The following SRGAP3 variants were observed in gnomAD, a reference collection of about 807,000 sequenced individuals.
SRGAP3 encodes SLIT-ROBO Rho GTPase-activating protein 3.
In SRGAP3, 39 loss-of-function variants were observed where a neutral mutation model predicts 121.1. The ratio of observed to expected loss-of-function variants is 0.32; its 90% confidence interval spans 0.25 to 0.42. The LOEUF (loss-of-function observed/expected upper bound fraction) is 0.42. Ranked by LOEUF, SRGAP3 falls within the 10% of genes least tolerant of loss-of-function variation. SRGAP3 has a pLI of 1.00. For synonymous variants in SRGAP3, 601 were observed against 570.0 expected (o/e 1.05, Z -0.77); for missense variants, 1,213 against 1,470.6 (o/e 0.82, Z 2.86).
At chr3:9,230,389 T>A (rs1953158320) in intron 1 of SRGAP3, among the ~76,000 whole-genome samples, 1 of 152,148 alleles carries the variant, frequency 6.6e-6, no homozygotes, top group South Asian at 2.1e-4. Flanking sequence ...ATGGGCATGC[T>A]CACATCCTCA....
At chr3:9,125,052 C>G in intron 1 of SRGAP3, 135 bp from the exon 2 acceptor site, 1 of 1,002,114 alleles carries the variant, frequency 1.0e-6, no homozygotes, top group Non-Finnish European at 1.5e-6. Context: ...CTGAGCCCAG[C>G]CAGAGCTCAG....
At chr3:9,220,580 T>A (rs1560445816) in intron 1 of SRGAP3, among the ~76,000 whole-genome samples, 1 of 152,220 alleles carries the variant, frequency 6.6e-6, no homozygotes, top group Non-Finnish European at 1.5e-5. Context: ...ACAGCAGGCA[T>A]CTTGTTTGAT....
At chr3:9,245,877 T>C (rs1356875649) in intron 1 of SRGAP3, among the ~76,000 whole-genome samples, 1 of 152,112 alleles carries the variant, frequency 6.6e-6, no homozygotes, top group African/African-American at 2.4e-5. Context: ...TGAGTCAAGA[T>C]GACATCACTA....
At chr3:9,213,008 G>C (rs952170989) in intron 1 of SRGAP3, among the ~76,000 whole-genome samples, 10 of 152,192 alleles carry the variant, frequency 6.6e-5, no homozygotes, top group Non-Finnish European at 1.5e-4. Flanking sequence ...TGCTGATGCA[G>C]CTCCATGCCG....
At chr3:9,254,133 C>G (rs1954074508), upstream of SRGAP3, among the ~76,000 whole-genome samples, 1 of 152,082 alleles carries the variant, frequency 6.6e-6, no homozygotes, top group Non-Finnish European at 1.5e-5. Context: ...TCAATTCAAA[C>G]AAATACTCAT....
intron 4 of SRGAP3, among the ~76,000 whole-genome samples, chr3:9,069,050 G>A (rs932618311): frequency 2.0e-5 from 3 of 152,214 alleles, no homozygotes; most frequent in Non-Finnish European, 4.4e-5. Context: ...GTTTCTCTAG[G>A]TGAAAAGCTG....
At chr3:8,986,311 C>T (rs1941704448) in intron 21 of SRGAP3, among the ~76,000 whole-genome samples, 1 of 152,116 alleles carries the variant, frequency 6.6e-6, no homozygotes, top group Non-Finnish European at 1.5e-5. Context: ...ATATGGACCT[C>T]AGGGAGTTGA....
chr3:9,058,183 G>A, intron 7 of SRGAP3, 68 bp downstream of exon 7: 2 of 1,512,730 alleles, frequency 1.3e-6, no homozygotes, highest in Middle Eastern at 2.1e-4. Flanking sequence ...AACCAGGGAT[G>A]ATGTACTGGA....
intron 1 of SRGAP3, among the ~76,000 whole-genome samples, chr3:9,362,415 C>T (rs1240217872): frequency 6.6e-6 from 1 of 150,600 alleles, no homozygotes; most frequent in South Asian, 2.1e-4. Flanking sequence ...CCACCCGCCT[C>T]AGCCTCCCAA....
intron 1 of SRGAP3, among the ~76,000 whole-genome samples, chr3:9,135,665 G>T (rs1451128926): frequency 2.0e-5 from 3 of 152,234 alleles, no homozygotes; most frequent in Non-Finnish European, 4.4e-5. Flanking sequence ...TTCTTATCTT[G>T]CAGGGTTGTT....
intron 3 of SRGAP3, among the ~76,000 whole-genome samples, chr3:9,271,023 T>A (rs1036960482): frequency 6.6e-6 from 1 of 152,172 alleles, no homozygotes; most frequent in Admixed American, 6.5e-5. Flanking sequence ...AGGCTCACAC[T>A]CCCTCAAATG....
rs914541103 is a variant in SRGAP3 at position 9,249,289 on chromosome 3, A to T, written c.-338T>A. The T allele has an allele frequency of 4.8e-5, 22 of 454,256 alleles. No individual in the cohort carries two copies. Among genetic ancestry groups the T allele is most frequent in the Non-Finnish European group, 8.6e-5 (21 of 244,748 alleles). The allele number at this position is 454,256 out of a possible 1,614,324, so 28.1% of individuals were successfully genotyped here. A position where few individuals can be genotyped will look rare whatever the true frequency, so the allele number is the denominator to read the frequency against. On this transcript the variant is annotated 5_prime_UTR_variant, in exon 1 of 22. It introduces an in-frame stop codon into an upstream open reading frame of the 5' UTR. Coordinates refer to ENST00000383836, the MANE Select transcript of SRGAP3 (RefSeq NM_014850.4). ...GTAATAACCAAGCGCACTCACACAC[A>T]CATGCACACGTACACACACTCACGC...
chr3:9,200,552 C>T (rs1327672104), intron 1 of SRGAP3, among the ~76,000 whole-genome samples: 2 of 152,106 alleles, frequency 1.3e-5, no homozygotes, highest in East Asian at 1.9e-4. Context: ...CCCAAAAAGG[C>T]GTGGGCTGAA....
At chr3:9,125,424 C>A (rs1949185001) in intron 1 of SRGAP3, among the ~76,000 whole-genome samples, 1 of 152,178 alleles carries the variant, frequency 6.6e-6, no homozygotes, top group Admixed American at 6.5e-5. Context: ...CTTTATCAAC[C>A]AAAGGAAAAC....
chr3:9,165,255 G>A lies in SRGAP3; in HGVS notation c.68-40338C>T, dbSNP rs556533318. ...GTCTGGGAAAGAGCCATGCTGGAGC[G>A]AGATGCCCACCATGTTGGCCAGCAA... On this transcript the variant is annotated intron_variant, in intron 1 of 21. Coordinates refer to ENST00000383836, the MANE Select transcript of SRGAP3 (RefSeq NM_014850.4). 2.2e-4 allele frequency among the ~76,000 whole-genome samples: 34 copies of A among 152,348 alleles called. No individual in the cohort carries two copies. In the South Asian group the frequency reaches 4.6e-3, roughly 20 times the overall value.
In SRGAP3 at chr3:8,990,686, C is replaced by G; in HGVS notation, c.2712G>C (p.Gly904=). The G allele has an allele frequency of 6.2e-7, 1 of 1,613,334 alleles. No individual in the cohort carries two copies. The highest frequency in any genetic ancestry group is 1.3e-5 in the African/African-American group (1 of 75,052). ...SSPHKIPLTR[G]RIESPEKRRM... ...TCCGCTTCTCAGGGCTCTCGATCCT[C>G]CCCCGGGTGAGGGGGATTTTGTGGG... The change falls in exon 21 of 22, where the codon GGG becomes GGC. Residue 904 remains glycine, a synonymous_variant. Coordinates refer to ENST00000383836, the MANE Select transcript of SRGAP3 (RefSeq NM_014850.4).
chr3:9,253,606 T>C (rs987175571), upstream of SRGAP3, among the ~76,000 whole-genome samples: 3 of 152,154 alleles, frequency 2.0e-5, no homozygotes, highest in Non-Finnish European at 4.4e-5. Context: ...TTTGTAACAT[T>C]CTCCACGTTG....
chr3:9,219,550 T>C (rs1007575359), intron 1 of SRGAP3: 40 of 152,028 alleles, frequency 2.6e-4, no homozygotes. Context: ...CATCCAACCA[T>C]TTAAAAAGAA....
chr3:9,080,511 T>A (rs1436498582), intron 3 of SRGAP3, among the ~76,000 whole-genome samples: 1 of 152,176 alleles, frequency 6.6e-6, no homozygotes, highest in African/African-American at 2.4e-5. Flanking sequence ...TGAGAAACAA[T>A]GATTTGGCAT....
Sources: allele counts gnomAD v4.1 joint callset (sites outside exome capture counted in the v4.1 genomes callset), GRCh38; gene constraint gnomAD v4.1.1; transcripts MANE v1.5; gene names NCBI Gene and HGNC (gene_info 2026-07-23, HGNC 2026-07-21).